Variants in METTL16 observed in about 807,000 individuals in gnomAD.
The protein encoded by METTL16 is RNA N(6)-adenosine-methyltransferase METTL16.
A neutral mutation model predicts 57.9 loss-of-function variants in METTL16; 19 were observed. The observed-to-expected ratio is 0.33, with a 90% CI of 0.23 to 0.48. The LOEUF (loss-of-function observed/expected upper bound fraction) is 0.48. Ranked by LOEUF, METTL16 falls within the 20% of genes least tolerant of loss-of-function variation. The pLI, the probability that METTL16 is intolerant of heterozygous loss-of-function variation, is 0.99. For missense variants in METTL16, 434 were observed against 691.5 expected (o/e 0.63, Z 4.18); for synonymous variants, 246 against 255.6 (o/e 0.96, Z 0.36).
intron 4 of METTL16, among the ~76,000 whole-genome samples, chr17:2,468,243 A>G (rs1298932584): frequency 6.6e-6 from 1 of 152,246 alleles, no homozygotes; most frequent in Non-Finnish European, 1.5e-5. Context: ...CTGTTAAGTA[A>G]GGTGTGACTG....
chr17:2,479,849 C>T (rs757936478), intron 2 of METTL16, among the ~76,000 whole-genome samples: 1 of 152,008 alleles, frequency 6.6e-6, no homozygotes, highest in Non-Finnish European at 1.5e-5. Flanking sequence ...TTGCCATGGA[C>T]GTAAGTCACT....
intron 2 of METTL16, among the ~76,000 whole-genome samples, chr17:2,483,320 A>C (rs1567901182): frequency 6.6e-6 from 1 of 152,232 alleles, no homozygotes; most frequent in Non-Finnish European, 1.5e-5. Flanking sequence ...AGAATGGGTT[A>C]AAAATATAAA....
At chr17:2,448,790 A>AT (rs1451116854) in intron 6 of METTL16, among the ~76,000 whole-genome samples, 16 of 112,204 alleles carry the variant, frequency 1.4e-4, no homozygotes, top group African/African-American at 6.1e-4. Context: ...ATAAAAAAAT[A>AT]AAAATAAAAT....
At chr17:2,443,380 G>A (rs2066967993) in intron 6 of METTL16, among the ~76,000 whole-genome samples, 1 of 151,942 alleles carries the variant, frequency 6.6e-6, no homozygotes, top group Admixed American at 6.6e-5. Flanking sequence ...AACATTTAAG[G>A]AAGAAATAAT....
At chr17:2,430,509 G>A (rs1007407162) in intron 8 of METTL16, among the ~76,000 whole-genome samples, 2 of 142,206 alleles carry the variant, frequency 1.4e-5, no homozygotes, top group East Asian at 2.2e-4. Flanking sequence ...TCCGCCTCCC[G>A]GGTTCACGCC....
Position 2,420,702 on chromosome 17 carries a change from G to C in METTL16, c.1062+29C>G. 6.3e-7 allele frequency: 1 copy of C among 1,588,128 alleles called. No homozygotes were observed. Among genetic ancestry groups the C allele is most frequent in the Non-Finnish European group, 8.5e-7 (1 of 1,170,178 alleles). ...AGAAAAAAGAGAAGGATCATTATGA[G>C]TACTTCGTCAATATGGTTAAGCAGG... On this transcript the variant is annotated intron_variant, in intron 9 of 9. Transcript: ENST00000263092. This position sits in a 1 kb window ranked among gnomAD's most constrained non-coding sequence, Gnocchi z 5.4.
At chr17:2,450,715 G>A (rs1597450359) in intron 6 of METTL16, among the ~76,000 whole-genome samples, 1 of 152,212 alleles carries the variant, frequency 6.6e-6, no homozygotes, top group East Asian at 1.9e-4. Context: ...TCTGTCTCCT[G>A]CTTTTCTCAC....
At chr17:2,462,256 T>A (rs1042134526) in intron 6 of METTL16, among the ~76,000 whole-genome samples, 1 of 152,206 alleles carries the variant, frequency 6.6e-6, no homozygotes, top group African/African-American at 2.4e-5. Context: ...ATTCCATTTG[T>A]ATGAAGTGCC....
At chr17:2,507,422 AGGG>A (rs1186084330) in intron 1 of METTL16, among the ~76,000 whole-genome samples, 1 of 146,210 alleles carries the variant, frequency 6.8e-6, no homozygotes, top group Non-Finnish European at 1.5e-5. Flanking sequence ...CCGGGAGGTG[AGGG>A]GTGCCTCTGC....
At chr17:2,429,958 C>T (rs1441298673) in intron 8 of METTL16, among the ~76,000 whole-genome samples, 31 of 147,584 alleles carry the variant, frequency 2.1e-4, no homozygotes, top group Admixed American at 2.1e-3. Flanking sequence ...TTACAGGCGC[C>T]CGCCACCATG....
At chr17:2,455,392 T>C (rs956929892) in intron 6 of METTL16, among the ~76,000 whole-genome samples, 29 of 152,224 alleles carry the variant, frequency 1.9e-4, no homozygotes, top group African/African-American at 6.5e-4. Context: ...CAGCCTGTTA[T>C]TCCTTTGTAG....
At position 2,420,365 on chromosome 17, in the gene METTL16, A is replaced by G. The variant is rs201588832; in HGVS notation, c.1294T>C (p.Cys432Arg). The change falls in exon 10 of 10, where the codon TGT becomes CGT. Residue 432 changes from cysteine to arginine, a missense_variant. By Grantham distance (180) the Cys-to-Arg change is radical. Transcript: ENST00000263092. This position sits in a 1 kb window ranked among gnomAD's most constrained non-coding sequence, Gnocchi z 5.4. Reference sequence around the variant, plus strand: ...TCGCCTTCCCGCAGAGCAGGCCCACAGGGGGTCCTCTCCTGGGGGCCCCTG... The same window carrying G: ...TCGCCTTCCCGCAGAGCAGGCCCACGGGGGGTCCTCTCCTGGGGGCCCCTG... The part of the protein sequence containing the change: ...LARGPQERTP[C>R]GPALREGEAA... 175 of 1,612,250 alleles carry G rather than the reference A, an allele frequency of 1.1e-4. 1 individual carries two copies. In the African/African-American group the frequency reaches 2.2e-3, roughly 21 times the overall value.
intron 5 of METTL16, among the ~76,000 whole-genome samples, chr17:2,464,590 A>C (rs963090126): frequency 6.6e-6 from 1 of 152,154 alleles, no homozygotes; most frequent in South Asian, 2.1e-4. Flanking sequence ...AAAATTGTTT[A>C]CCTTTTTATA....
chr17:2,464,080 G>A (rs543355586), intron 6 of METTL16, 128 bp downstream of exon 6: 88 of 925,314 alleles, frequency 9.5e-5, no homozygotes, highest in Admixed American at 4.5e-4. Flanking sequence ...CTGAGATCAC[G>A]CCACTGCACT....
chr17:2,481,303 G>A (rs1191359338), intron 2 of METTL16, among the ~76,000 whole-genome samples: 1 of 149,540 alleles, frequency 6.7e-6, no homozygotes, highest in Non-Finnish European at 1.5e-5. Context: ...CCTTGATAAT[G>A]ATATCAATTA....
intron 8 of METTL16, among the ~76,000 whole-genome samples, chr17:2,424,947 CAAA>C (rs564839145): frequency 2.0e-5 from 2 of 99,618 alleles, no homozygotes; most frequent in Non-Finnish European, 2.1e-5. Flanking sequence ...GACTCCGTCT[CAAA>C]AAAAAAAAAA....
At chr17:2,491,123 T>C (rs923316034) in intron 2 of METTL16, among the ~76,000 whole-genome samples, 10 of 152,196 alleles carry the variant, frequency 6.6e-5, no homozygotes, top group Non-Finnish European at 1.5e-5. Context: ...CTCTGGGACA[T>C]TCAAAAAACC....
At chr17:2,440,281 G>A (rs180887070) in intron 7 of METTL16, among the ~76,000 whole-genome samples, 218 of 151,104 alleles carry the variant, frequency 1.4e-3, no homozygotes, top group Non-Finnish European at 2.7e-3. Context: ...ACGGAGTCTC[G>A]CTGTGTCACC....
chr17:2,477,061 G>A (rs1316615319), intron 3 of METTL16, among the ~76,000 whole-genome samples: 1 of 152,002 alleles, frequency 6.6e-6, no homozygotes, highest in East Asian at 1.9e-4. Flanking sequence ...GCTAAATAGG[G>A]CCAGGCGTAG....
Sources: allele counts gnomAD v4.1 joint callset (sites outside exome capture counted in the v4.1 genomes callset), GRCh38; gene constraint gnomAD v4.1.1; non-coding constraint Gnocchi (gnomAD v3.1); transcripts MANE v1.5; gene names NCBI Gene and HGNC (gene_info 2026-07-23, HGNC 2026-07-21).